The following FSTL4 variants were observed in gnomAD, a reference collection of about 807,000 sequenced individuals.
FSTL4 encodes the protein follistatin-related protein 4.
In FSTL4, 28 loss-of-function variants were observed where a neutral mutation model predicts 78.2. The observed-to-expected ratio is 0.36, with a 90% CI of 0.27 to 0.49. The LOEUF (loss-of-function observed/expected upper bound fraction) is 0.49, where lower values mean the gene tolerates loss of function less well. Among genes scored for constraint, FSTL4 ranks in the 20% least tolerant of loss-of-function variants. FSTL4 has a pLI of 0.98. For missense variants in FSTL4, 922 were observed against 1,084.9 expected (o/e 0.85, Z 2.11); for synonymous variants, 422 against 440.5 (o/e 0.96, Z 0.53).
intron 4 of FSTL4, among the ~76,000 whole-genome samples, chr5:133,364,992 G>A (rs1404212365): frequency 1.3e-5 from 2 of 152,088 alleles, no homozygotes; most frequent in Non-Finnish European, 2.9e-5. Flanking sequence ...CTCTGAGGCC[G>A]CTGCCTCACA....
Position 133,450,713 on chromosome 5 carries a change from C to T in FSTL4, c.161-49727G>A, listed in dbSNP as rs372540885. ...ACAGGAGATGGTACTTTTCCCAGTT[C>T]GGCATCCCCAGGAAAACATCACACC... On this transcript the variant is annotated intron_variant, in intron 3 of 15. Transcript: ENST00000265342. Among the ~76,000 whole-genome samples, 11 of 152,344 alleles carry T rather than the reference C, an allele frequency of 7.2e-5. No individual in the cohort carries two copies. In the East Asian group the frequency reaches 7.7e-4, roughly 11 times the overall value.
At chr5:133,287,264 T>A (rs2126864956) in intron 6 of FSTL4, among the ~76,000 whole-genome samples, 2 of 151,954 alleles carry the variant, frequency 1.3e-5, no homozygotes, top group South Asian at 2.1e-4. Context: ...GGCGGGCGCC[T>A]GTAGTCCCAG....
At chr5:133,421,759 A>G (rs529166903) in intron 3 of FSTL4, among the ~76,000 whole-genome samples, 332 of 151,780 alleles carry the variant, frequency 2.2e-3, no homozygotes, top group Middle Eastern at 0.01. Context: ...GGTGGGCATC[A>G]TGCTCACTCA....
At chr5:133,498,337 G>A (rs780438657) in intron 3 of FSTL4, among the ~76,000 whole-genome samples, 1 of 152,188 alleles carries the variant, frequency 6.6e-6, no homozygotes, top group Non-Finnish European at 1.5e-5. Flanking sequence ...TTGCAACACA[G>A]AGGTGGATAG....
chr5:133,450,032 T>C (rs1331652358), intron 3 of FSTL4, among the ~76,000 whole-genome samples: 3 of 152,154 alleles, frequency 2.0e-5, no homozygotes, highest in African/African-American at 7.2e-5. Context: ...GAAAGGGCTT[T>C]TGTGTTGGCA....
At chr5:133,446,309 A>C (rs975642433) in intron 3 of FSTL4, among the ~76,000 whole-genome samples, 8 of 152,186 alleles carry the variant, frequency 5.3e-5, no homozygotes, top group Middle Eastern at 6.3e-3. Flanking sequence ...GCGTGCTGGC[A>C]GGCACCTGTA....
chr5:133,472,613 G>A (rs1757847795), intron 3 of FSTL4, among the ~76,000 whole-genome samples: 1 of 152,214 alleles, frequency 6.6e-6, no homozygotes, highest in Non-Finnish European at 1.5e-5. Context: ...GCTCAGAGTT[G>A]GTATGCTGGA....
the FSTL4 span, among the ~76,000 whole-genome samples, chr5:133,716,783 T>A: frequency 6.6e-6 from 1 of 152,238 alleles, no homozygotes; most frequent in Non-Finnish European, 1.5e-5. Context: ...TAGTCTCTTA[T>A]AGTTAAATGG....
chr5:133,784,142 T>C, the FSTL4 span, among the ~76,000 whole-genome samples: 1 of 152,140 alleles, frequency 6.6e-6, no homozygotes, highest in African/African-American at 2.4e-5. Flanking sequence ...ATGAGAAGCT[T>C]TAGATAAATG....
At chr5:133,836,160 A>G in the FSTL4 span, among the ~76,000 whole-genome samples, 1 of 152,144 alleles carries the variant, frequency 6.6e-6, no homozygotes, top group South Asian at 2.1e-4. Context: ...TAATTAGTCT[A>G]TTTACATTCA....
the FSTL4 span, among the ~76,000 whole-genome samples, chr5:133,753,644 C>T: frequency 6.6e-6 from 1 of 151,676 alleles, no homozygotes; most frequent in African/African-American, 2.4e-5. Context: ...CTGGACTTAT[C>T]CCTTCTCTCC....
At chr5:133,565,779 C>A (rs528558114) in intron 3 of FSTL4, among the ~76,000 whole-genome samples, 26 of 152,322 alleles carry the variant, frequency 1.7e-4, no homozygotes, top group African/African-American at 6.0e-4. Context: ...ATTTTCAACA[C>A]AAGGACAGTA....
At chr5:133,734,416 G>T in the FSTL4 span, among the ~76,000 whole-genome samples, 1 of 152,160 alleles carries the variant, frequency 6.6e-6, no homozygotes, top group Non-Finnish European at 1.5e-5. Context: ...ATATGTGGAG[G>T]TGTTATCTGA....
chr5:133,267,959 C>T (rs983547040), intron 6 of FSTL4, among the ~76,000 whole-genome samples: 3 of 152,208 alleles, frequency 2.0e-5, no homozygotes, highest in Non-Finnish European at 4.4e-5. Flanking sequence ...CTGTGTCTGC[C>T]ACTGACTCTG....
Position 133,199,111 on chromosome 5 carries a change from C to T in FSTL4, c.2513G>A (p.Trp838Ter). 4 of 1,549,644 alleles carry T rather than the reference C, an allele frequency of 2.6e-6. No homozygotes were observed. Among genetic ancestry groups the T allele is most frequent in the Non-Finnish European group, 3.5e-6 (4 of 1,144,244 alleles). ...CTGGGCCCTTCATACCTCACCCACC[C>T]ACACCACTGTGGTCCCCCCCTTTAT... ...SGIKGGTTVVWVGEV is the reference protein window; with the variant it reads ...SGIKGGTTVV The change falls in exon 16 of 16, where the codon TGG becomes TAG. Residue 838 changes from tryptophan to a stop codon, truncating the protein, a stop_gained. Coordinates refer to ENST00000265342, the MANE Select transcript of FSTL4 (RefSeq NM_015082.2). LOFTEE classifies it high-confidence loss of function. The surrounding 1 kb of genome is among the most constrained non-coding windows in gnomAD (Gnocchi z 4.4).
At chr5:133,805,186 G>A in the FSTL4 span, among the ~76,000 whole-genome samples, 5 of 151,914 alleles carry the variant, frequency 3.3e-5, no homozygotes, top group Admixed American at 1.3e-4. Flanking sequence ...CATTGAGCTT[G>A]AGAGCCAGGC....
At chr5:133,710,838 A>C in the FSTL4 span, among the ~76,000 whole-genome samples, 1 of 152,268 alleles carries the variant, frequency 6.6e-6, no homozygotes, top group Non-Finnish European at 1.5e-5. Flanking sequence ...CATATGAGAA[A>C]AGAGTAACCA....
At chr5:133,537,449 T>G (rs1445051251) in intron 3 of FSTL4, among the ~76,000 whole-genome samples, 5 of 152,246 alleles carry the variant, frequency 3.3e-5, no homozygotes, top group African/African-American at 7.2e-5. Context: ...GATTTTGTAT[T>G]TAACAACCTT....
chr5:133,735,801 T>A, the FSTL4 span, among the ~76,000 whole-genome samples: 2 of 152,126 alleles, frequency 1.3e-5, no homozygotes, highest in Non-Finnish European at 2.9e-5. Context: ...GTCCTAAGCA[T>A]AAGATAAATG....
Sources: gnomAD v4.1 joint callset for allele counts (sites outside exome capture counted in the v4.1 genomes callset) on GRCh38, gnomAD v4.1.1 for gene constraint, Gnocchi (gnomAD v3.1) non-coding constraint, MANE v1.5 for transcripts, NCBI Gene and HGNC (gene_info 2026-07-23, HGNC 2026-07-21) for gene names.